Variants in TMEM131L observed in about 807,000 individuals in gnomAD.
TMEM131L encodes the protein transmembrane 131 like, also known as transmembrane protein 131-like.
TMEM131L carries 54 observed loss-of-function variants against 192.2 expected under a neutral mutation model. The ratio of observed to expected loss-of-function variants is 0.28; its 90% CI spans 0.23 to 0.35. The LOEUF (loss-of-function observed/expected upper bound fraction) is 0.35. TMEM131L is among the 10% of genes least tolerant of loss of function. The probability of loss-of-function intolerance (pLI) is 1.00; values close to 1 mark genes in which losing one functional copy is unlikely to be tolerated. For missense variants in TMEM131L, 1,888 were observed against 1,972.9 expected, an observed-to-expected ratio of 0.96 and a Z score of 0.82; for synonymous variants, 701 against 704.9, an observed-to-expected ratio of 0.99 and a Z score of 0.09.
chr4:153,565,225 A>G (rs572956061), intron 7 of TMEM131L, among the ~76,000 whole-genome samples: 27 of 152,268 alleles, frequency 1.8e-4, no homozygotes, highest in African/African-American at 4.1e-4. Context: ...TATAATCTCT[A>G]TCAATTTCGT....
intron 3 of TMEM131L, among the ~76,000 whole-genome samples, chr4:153,498,671 T>G (rs1733369209): frequency 6.6e-6 from 1 of 152,208 alleles, no homozygotes; most frequent in Admixed American, 6.5e-5. Flanking sequence ...GTTGAGATCC[T>G]GTGGCCCTTT....
intron 29 of TMEM131L, 105 bp from the exon 30 acceptor site, chr4:153,626,042 A>G (rs1322264281): frequency 7.7e-6 from 5 of 648,920 alleles, no homozygotes; most frequent in Non-Finnish European, 1.4e-5. Context: ...AAAGTGAAAA[A>G]TCAGTCATGC....
intron 3 of TMEM131L, among the ~76,000 whole-genome samples, chr4:153,542,043 G>A (rs1736823670): frequency 6.6e-6 from 1 of 152,220 alleles, no homozygotes; most frequent in African/African-American, 2.4e-5. Context: ...CAGGAGGGAT[G>A]ACCATGGGAA....
chr4:153,566,512 A>AGT (rs771656973), intron 7 of TMEM131L, among the ~76,000 whole-genome samples: 23 of 113,418 alleles, frequency 2.0e-4, no homozygotes, highest in African/African-American at 5.0e-4. Context: ...TTTGTGTGTG[A>AGT]GTGTGAGTGT....
chr4:153,578,248 C>T (rs1039998553), intron 7 of TMEM131L, among the ~76,000 whole-genome samples: 8 of 152,138 alleles, frequency 5.3e-5, no homozygotes, highest in South Asian at 2.1e-4. Context: ...CCCAGCTACT[C>T]AGGAGGCTGA....
intron 25 of TMEM131L, among the ~76,000 whole-genome samples, chr4:153,605,009 A>AT (rs774768822): frequency 2.2e-4 from 33 of 151,998 alleles, no homozygotes; most frequent in Admixed American, 4.6e-4. Context: ...GGCCTAAATT[A>AT]TTTTTTTTAG....
chr4:153,466,408 T>C lies in TMEM131L; in HGVS notation c.11T>C (p.Leu4Pro), dbSNP rs1730742874. MAGLRRPQPGCYCR... is the reference protein window; with the variant it reads MAGPRRPQPGCYCR... ...AGCGCGAGCAGCAGCATGGCGGGGC[T>C]CCGACGCCCGCAGCCCGGCTGCTAC... is the stretch of plus-strand genomic sequence containing the variant. Residue 4 changes from leucine to proline, a missense_variant, in exon 1 of 35, where the codon CTC becomes CCC. Coordinates refer to ENST00000409959, the MANE Select transcript of TMEM131L (RefSeq NM_001131007.2). 1 of 1,347,882 alleles carries C rather than the reference T, an allele frequency of 7.4e-7. No individual in the cohort carries two copies. Among genetic ancestry groups the C allele is most frequent in the Non-Finnish European group, 9.6e-7 (1 of 1,044,218 alleles). The allele number at this position is 1,347,882 out of a possible 1,614,324, so 83.5% of individuals were successfully genotyped here.
In TMEM131L at chr4:153,572,446, T is replaced by G. The variant is rs574388655; in HGVS notation, c.661-8380T>G. Among the ~76,000 whole-genome samples, 7 of 152,304 alleles carry G rather than the reference T, an allele frequency of 4.6e-5. No individual in the cohort carries two copies. In the East Asian group the frequency reaches 1.4e-3, roughly 29 times the overall value. On this transcript the variant is annotated intron_variant, in intron 7 of 34. Transcript: ENST00000409959. ...CCCGGGTTCAAGTGATTCCCTTGCC[T>G]CAGCCTCCCAAGTAGCTGGGATTAC...
At chr4:153,578,052 G>C (rs1730077641) in intron 7 of TMEM131L, among the ~76,000 whole-genome samples, 1 of 152,164 alleles carries the variant, frequency 6.6e-6, no homozygotes, top group African/African-American at 2.4e-5. Context: ...GCTGGCAGAG[G>C]AACCAGAGAG....
chr4:153,587,149 AT>A (rs1490714223), intron 14 of TMEM131L, among the ~76,000 whole-genome samples: 1 of 152,146 alleles, frequency 6.6e-6, no homozygotes, highest in Non-Finnish European at 1.5e-5. Flanking sequence ...ATTTATCCAT[AT>A]TTTGAGCAGG....
At chr4:153,469,314 G>GAC (rs201245535) in intron 2 of TMEM131L, among the ~76,000 whole-genome samples, 5,260 of 148,882 alleles carry the variant, frequency 0.035, 113 homozygotes, top group Admixed American at 0.064. Flanking sequence ...GGGTAAGGGA[G>GAC]ACACACACAC....
At chr4:153,531,380 G>A (rs1257522201) in intron 3 of TMEM131L, among the ~76,000 whole-genome samples, 1 of 152,188 alleles carries the variant, frequency 6.6e-6, no homozygotes, top group Admixed American at 6.5e-5. Flanking sequence ...AAGTGTTTAG[G>A]AGCTACACAT....
Position 153,636,295 on chromosome 4 carries a change from C to T in TMEM131L, c.4558-6C>T. 1 of 1,609,890 alleles carries T rather than the reference C, an allele frequency of 6.2e-7. No individual in the cohort carries two copies. The highest frequency in any genetic ancestry group is 8.5e-7 in the Non-Finnish European group (1 of 1,177,066). On this transcript the variant is annotated splice_region_variant and splice_polypyrimidine_tract_variant and intron_variant, in intron 34 of 34. Coordinates refer to ENST00000409959, the MANE Select transcript of TMEM131L (RefSeq NM_001131007.2). ...ACTTATTTTTCCTTCCTCATTTATA[C>T]TTCAGCCCTACCTCACAAGCACCCG...
chr4:153,501,223 T>G, intron 3 of TMEM131L, among the ~76,000 whole-genome samples: 1 of 141,884 alleles, frequency 7.0e-6, no homozygotes, highest in Non-Finnish European at 1.5e-5. Context: ...TTTTTTTTTT[T>G]GAGACGGAGT....
At chr4:153,543,297 C>A (rs969381956) in intron 3 of TMEM131L, among the ~76,000 whole-genome samples, 1 of 152,110 alleles carries the variant, frequency 6.6e-6, no homozygotes, top group Admixed American at 6.5e-5. Flanking sequence ...AGTAGCAATG[C>A]CTGTGTCTTT....
chr4:153,476,183 T>C (rs1731524187), intron 3 of TMEM131L, among the ~76,000 whole-genome samples: 1 of 152,142 alleles, frequency 6.6e-6, no homozygotes, highest in South Asian at 2.1e-4. Flanking sequence ...GGTCTTGAAC[T>C]CCTAACCTCA....
chr4:153,489,708 C>T (rs1322976241), intron 3 of TMEM131L, among the ~76,000 whole-genome samples: 1 of 152,066 alleles, frequency 6.6e-6, no homozygotes, highest in Non-Finnish European at 1.5e-5. Flanking sequence ...AAACTCCTGA[C>T]CTCATGGTCC....
rs1357063224 is a variant in TMEM131L at position 153,603,788 on chromosome 4, C to A, written c.2790-14C>A. 1.3e-6 allele frequency: 2 copies of A among 1,561,000 alleles called. No homozygotes were observed. The highest frequency in any genetic ancestry group is 2.1e-5 in the Admixed American group (1 of 48,168). On this transcript the variant is annotated splice_polypyrimidine_tract_variant and intron_variant, in intron 24 of 34. Transcript: ENST00000409959. The stretch of plus-strand genomic sequence containing the variant: ...ATTTGCCTCTATGCTAAATGTTTTT[C>A]TTCTTAAATTCAGAAGCAATTGCAA...
chr4:153,589,450 A>G (rs570880851), intron 16 of TMEM131L, among the ~76,000 whole-genome samples: 8 of 152,266 alleles, frequency 5.3e-5, no homozygotes, highest in African/African-American at 1.7e-4. Flanking sequence ...CAGGTAGGGG[A>G]TCCATGTGGA....
Sources: allele counts gnomAD v4.1 joint callset (sites outside exome capture counted in the v4.1 genomes callset), GRCh38; gene constraint gnomAD v4.1.1; transcripts MANE v1.5; gene names NCBI Gene and HGNC (gene_info 2026-07-23, HGNC 2026-07-21).